IMMP2L: variants seen among roughly 807,000 people sequenced by gnomAD.
IMMP2L encodes inner mitochondrial membrane peptidase subunit 2.
Under a neutral mutation model 19.3 loss-of-function variants are expected in IMMP2L, and 18 were observed. The ratio of observed to expected loss-of-function variants is 0.93; its 90% CI spans 0.64 to 1.38. The LOEUF (loss-of-function observed/expected upper bound fraction) is 1.38, where lower values mean the gene tolerates loss of function less well. Among genes scored for constraint, IMMP2L ranks in the 40% most tolerant of loss-of-function variants. The probability of loss-of-function intolerance (pLI) is 0.00; values close to 1 mark genes in which losing one functional copy is unlikely to be tolerated. For missense variants in IMMP2L, 233 were observed against 218.2 expected (o/e 1.07, Z -0.43); for synonymous variants, 76 against 73.0 (o/e 1.04, Z -0.21).
At chr7:110,948,850 G>A (rs975457461) in intron 4 of IMMP2L, among the ~76,000 whole-genome samples, 3 of 152,136 alleles carry the variant, frequency 2.0e-5, no homozygotes, top group African/African-American at 7.2e-5. Context: ...CAACGTGGAC[G>A]GGCATCATCC....
chr7:111,063,874 T>C (rs574946631), intron 3 of IMMP2L, among the ~76,000 whole-genome samples: 10 of 152,326 alleles, frequency 6.6e-5, no homozygotes, highest in African/African-American at 2.4e-4. Context: ...GTCAAAGCCA[T>C]TCTACAAGTC....
intron 1 of IMMP2L, among the ~76,000 whole-genome samples, chr7:111,555,549 ATGT>A (rs1291928602): frequency 6.6e-6 from 1 of 152,062 alleles, no homozygotes; most frequent in East Asian, 1.9e-4. Flanking sequence ...GCATACAGAC[ATGT>A]TGTTTCTCTC....
chr7:110,782,025 T>A (rs928423020), intron 5 of IMMP2L, among the ~76,000 whole-genome samples: 3 of 151,890 alleles, frequency 2.0e-5, no homozygotes, highest in Admixed American at 6.6e-5. Context: ...CAGTAGTGGT[T>A]GTAAGAGCTG....
intron 3 of IMMP2L, among the ~76,000 whole-genome samples, chr7:111,450,645 G>A (rs1378984574): frequency 4.8e-4 from 71 of 148,990 alleles, no homozygotes; most frequent in African/African-American, 1.5e-3. Flanking sequence ...GGACATAGGC[G>A]TGGGCAAGGA....
At chr7:110,705,378 C>T (rs1175259531) in intron 5 of IMMP2L, among the ~76,000 whole-genome samples, 1 of 152,096 alleles carries the variant, frequency 6.6e-6, no homozygotes, top group Non-Finnish European at 1.5e-5. Context: ...ATAGCACTTT[C>T]CTTATTTACT....
At chr7:110,844,928 G>A (rs1168189266) in intron 5 of IMMP2L, among the ~76,000 whole-genome samples, 11 of 151,798 alleles carry the variant, frequency 7.2e-5, no homozygotes, top group Admixed American at 7.2e-4. Flanking sequence ...TGAAAGGGGA[G>A]GCCCAGAAAA....
chr7:110,865,416 C>G (rs183886413), intron 5 of IMMP2L, among the ~76,000 whole-genome samples: 2 of 152,050 alleles, frequency 1.3e-5, no homozygotes, highest in East Asian at 3.9e-4. Context: ...TCGCTCTTAC[C>G]AACTACATTT....
chr7:111,250,128 G>A (rs1815919236), intron 3 of IMMP2L, among the ~76,000 whole-genome samples: 1 of 151,982 alleles, frequency 6.6e-6, no homozygotes, highest in African/African-American at 2.4e-5. Flanking sequence ...AAGCGGAGTG[G>A]TGAATTATGA....
At chr7:111,188,733 C>T (rs2214447) in intron 3 of IMMP2L, among the ~76,000 whole-genome samples, 122,145 of 151,948 alleles carry the variant, frequency 0.8, 49,580 homozygotes, top group Non-Finnish European at 0.85. Context: ...TTAATTGGCA[C>T]TTGCACACAA....
chr7:111,377,629 G>A (rs770968087), intron 3 of IMMP2L, among the ~76,000 whole-genome samples: 1 of 151,794 alleles, frequency 6.6e-6, no homozygotes, highest in African/African-American at 2.4e-5. Flanking sequence ...ATGCTTCCAG[G>A]GGCCTATTTA....
intron 2 of IMMP2L, among the ~76,000 whole-genome samples, chr7:111,496,363 C>A (rs901181607): frequency 5.9e-5 from 9 of 152,026 alleles, no homozygotes; most frequent in African/African-American, 2.2e-4. Flanking sequence ...TACCCATACC[C>A]CTTCTGATGG....
At chr7:111,302,907 C>T (rs1822422918) in intron 3 of IMMP2L, among the ~76,000 whole-genome samples, 2 of 152,062 alleles carry the variant, frequency 1.3e-5, no homozygotes, top group Admixed American at 1.3e-4. Context: ...CCTGGTTTTA[C>T]ACTAGAGTCC....
chr7:111,189,866 G>A (rs1808685384), intron 3 of IMMP2L, among the ~76,000 whole-genome samples: 1 of 152,044 alleles, frequency 6.6e-6, no homozygotes. Flanking sequence ...TAGACTAAAT[G>A]CTTATTCAGA....
intron 5 of IMMP2L, among the ~76,000 whole-genome samples, chr7:110,884,730 C>A (rs1238348025): frequency 6.6e-6 from 1 of 151,938 alleles, no homozygotes; most frequent in Non-Finnish European, 1.5e-5. Flanking sequence ...CTGTAAGTGA[C>A]CTAAAACATT....
At chr7:111,304,087 A>G (rs1367846982) in intron 3 of IMMP2L, among the ~76,000 whole-genome samples, 3 of 152,146 alleles carry the variant, frequency 2.0e-5, no homozygotes, top group Non-Finnish European at 4.4e-5. Context: ...AATTGAAGAA[A>G]CTAATTATTC....
At position 111,379,102 on chromosome 7, in the gene IMMP2L, T is replaced by G. The variant is rs143127483; in HGVS notation, c.239+108136A>C. 6.8e-4 allele frequency among the ~76,000 whole-genome samples: 103 copies of G among 150,802 alleles called. No homozygotes were observed. The East Asian group carries it at 0.019, about 28-fold the overall frequency. On this transcript the variant is annotated intron_variant, in intron 3 of 5. Coordinates refer to ENST00000405709, the MANE Select transcript of IMMP2L (RefSeq NM_032549.4). ...AGGCTAATCCAGTAGTAGAATACAA[T>G]CTGTTTATCAACTGAAGAACACAAT...
intron 3 of IMMP2L, among the ~76,000 whole-genome samples, chr7:111,241,216 A>T (rs1462440460): frequency 6.6e-6 from 1 of 151,988 alleles, no homozygotes; most frequent in East Asian, 1.9e-4. Flanking sequence ...GCATCTGAAA[A>T]TACACTCCAA....
At chr7:111,138,708 T>C (rs1802581344) in intron 3 of IMMP2L, among the ~76,000 whole-genome samples, 1 of 152,124 alleles carries the variant, frequency 6.6e-6, no homozygotes, top group Non-Finnish European at 1.5e-5. Context: ...TGCCAATAGA[T>C]AATTCTATTT....
In IMMP2L at chr7:111,397,358, G is replaced by T. The variant is rs1055130949; in HGVS notation, c.239+89880C>A. 6.6e-5 allele frequency among the ~76,000 whole-genome samples: 10 copies of T among 152,158 alleles called. No individual in the cohort carries two copies. In the South Asian group the frequency reaches 2.1e-3, roughly 32 times the overall value. ...TCCATCATTTGTAAATATTGTAGTTGATTTTGCTAACCCACCACTATTGGA... is the reference window on the plus strand; with the variant it reads ...TCCATCATTTGTAAATATTGTAGTTTATTTTGCTAACCCACCACTATTGGA... On this transcript the variant is annotated intron_variant, in intron 3 of 5. Coordinates refer to ENST00000405709, the MANE Select transcript of IMMP2L (RefSeq NM_032549.4).
Sources: allele counts gnomAD v4.1 joint callset (sites outside exome capture counted in the v4.1 genomes callset), GRCh38; gene constraint gnomAD v4.1.1; transcripts MANE v1.5; gene names NCBI Gene and HGNC (gene_info 2026-07-23, HGNC 2026-07-21).